The following HDGFL3 variants were observed in gnomAD, a reference collection of about 807,000 sequenced individuals.
The protein encoded by HDGFL3 is HDGF like 3, also known as hepatoma-derived growth factor-related protein 3.
A neutral mutation model predicts 27.6 loss-of-function variants in HDGFL3; 6 were observed. That is an observed-to-expected ratio of 0.22 (90% CI 0.12 to 0.43). The LOEUF (loss-of-function observed/expected upper bound fraction) is 0.43, where lower values mean the gene tolerates loss of function less well. Ranked by LOEUF, HDGFL3 falls within the 20% of genes least tolerant of loss-of-function variation. HDGFL3 has a pLI of 1.00. For missense variants in HDGFL3, 207 were observed against 250.1 expected, an observed-to-expected ratio of 0.83 and a Z score of 1.16; for synonymous variants, 88 against 88.9, an observed-to-expected ratio of 0.99 and a Z score of 0.05.
Position 83,207,537 on chromosome 15 carries a change from G to T in HDGFL3, c.-123C>A. On this transcript the variant is annotated 5_prime_UTR_variant, in exon 1 of 6. Transcript: ENST00000299633. The surrounding 1 kb of genome is among the most constrained non-coding windows in gnomAD (Gnocchi z 4.8). ...CCTCAAGCCGGGCGGACGAGCGGCCGCTCCGACGAGGGGAAGCGGCGAGGC... is the reference window on the plus strand; with the variant it reads ...CCTCAAGCCGGGCGGACGAGCGGCCTCTCCGACGAGGGGAAGCGGCGAGGC... 1 of 696,436 alleles carries T rather than the reference G, an allele frequency of 1.4e-6. No individual in the cohort carries two copies. The highest frequency in any genetic ancestry group is 2.0e-6 in the Non-Finnish European group (1 of 502,094). The allele number at this position is 696,436 out of a possible 1,614,324, so 43.1% of individuals were successfully genotyped here.
Position 83,145,937 on chromosome 15 carries a change from G to A in HDGFL3, c.606+5278C>T, listed in dbSNP as rs1490132083. Among the ~76,000 whole-genome samples, 11 of 98,912 alleles carry A rather than the reference G, an allele frequency of 1.1e-4. 1 individual carries two copies. In the Admixed American group the frequency reaches 1.9e-3, roughly 17 times the overall value. The allele number at this position is 98,912 out of a possible 152,430, so 64.9% of individuals were successfully genotyped here. A position where few individuals can be genotyped will look rare whatever the true frequency, so the allele number is the denominator to read the frequency against. ...TTTTTTTTTTTTTTTTTGAGATGGAGTCTCACTCTGTCGCCCAGGTTGGAA... is the reference window on the plus strand; with the variant it reads ...TTTTTTTTTTTTTTTTTGAGATGGAATCTCACTCTGTCGCCCAGGTTGGAA... On this transcript the variant is annotated intron_variant, in intron 5 of 5. Transcript: ENST00000299633.
chr15:83,174,005 G>A (rs1213844688), intron 1 of HDGFL3, among the ~76,000 whole-genome samples: 1 of 152,150 alleles, frequency 6.6e-6, no homozygotes, highest in Non-Finnish European at 1.5e-5. Context: ...ATGCTCTGGT[G>A]TACTAAGAAA....
chr15:83,198,054 C>CAA (rs766372255), intron 1 of HDGFL3, among the ~76,000 whole-genome samples: 19 of 57,582 alleles, frequency 3.3e-4, no homozygotes, highest in Non-Finnish European at 4.7e-4. Flanking sequence ...GACTCCGTCT[C>CAA]AAAAAAAAAA....
At chr15:83,193,182 T>C (rs879790529) in intron 1 of HDGFL3, among the ~76,000 whole-genome samples, 2 of 152,202 alleles carry the variant, frequency 1.3e-5, no homozygotes, top group Non-Finnish European at 2.9e-5. Context: ...TTGCAAATCA[T>C]AGATCTCCTA....
Position 83,151,149 on chromosome 15 carries a change from G to A in HDGFL3, c.606+66C>T, listed in dbSNP as rs2036958908. On this transcript the variant is annotated intron_variant, in intron 5 of 5. Transcript: ENST00000299633. The stretch of plus-strand genomic sequence containing the variant: ...ACAATGTTTACTAATGCTGACATAT[G>A]GATGCTGAATCTGAAGCAAAATGTC... 9.0e-6 allele frequency: 13 copies of A among 1,445,934 alleles called. No individual in the cohort carries two copies. The South Asian group carries it at 1.2e-4, about 14-fold the overall frequency. 89.6% of individuals were successfully genotyped at this position (1,445,934 alleles called of 1,614,324 possible).
At chr15:83,119,875 C>T in intron 3 of HDGFL3, 1 of 753,154 alleles carries the variant, frequency 1.3e-6, no homozygotes, top group Non-Finnish European at 2.0e-6. Context: ...CTGAATTGCT[C>T]CCTAGCATGG....
intron 2 of HDGFL3, among the ~76,000 whole-genome samples, chr15:83,160,494 G>GTTTT (rs991488993): frequency 2.0e-5 from 3 of 148,044 alleles, no homozygotes; most frequent in African/African-American, 7.4e-5. Context: ...CATCTCCAAG[G>GTTTT]TTTTGGACTG....
chr15:83,145,561 T>C (rs570733243), intron 5 of HDGFL3, among the ~76,000 whole-genome samples: 1 of 152,218 alleles, frequency 6.6e-6, no homozygotes, highest in East Asian at 1.9e-4. Context: ...ATTTATAAGC[T>C]ATTCATTCTC....
intron 3 of HDGFL3, among the ~76,000 whole-genome samples, chr15:83,118,495 A>G (rs1051664633): frequency 6.6e-5 from 10 of 152,230 alleles, no homozygotes; most frequent in Non-Finnish European, 1.0e-4. Flanking sequence ...AGCAAGTCCA[A>G]GAGAAGGGAC....
chr15:83,165,624 CT>C (rs1330231222), intron 1 of HDGFL3, among the ~76,000 whole-genome samples: 4 of 151,826 alleles, frequency 2.6e-5, no homozygotes, highest in Non-Finnish European at 5.9e-5. Context: ...AAAATCACTT[CT>C]TTTACTAAAA....
At chr15:83,204,240 A>G (rs2037688183) in intron 1 of HDGFL3, among the ~76,000 whole-genome samples, 4 of 151,858 alleles carry the variant, frequency 2.6e-5, no homozygotes, top group Admixed American at 2.0e-4. Context: ...TATCATATAG[A>G]GAGCTATATT....
rs2036120262 is a variant in HDGFL3 at position 83,130,159 on chromosome 15, G to A, written c.*9111C>T. The A allele has an allele frequency of 6.6e-6, 1 of 152,294 alleles. No individual in the cohort carries two copies. Among genetic ancestry groups the A allele is most frequent in the Non-Finnish European group, 1.5e-5 (1 of 68,102 alleles). 9.4% of individuals were successfully genotyped at this position (152,294 alleles called of 1,614,324 possible). ...GATGTTGGACCTGGTCAAGTCTCAG[G>A]AGACAAATGGAAACAGCAGGAAAAC... On this transcript the variant is annotated 3_prime_UTR_variant, in exon 6 of 6. Transcript: ENST00000299633.
chr15:83,126,103 G>T (rs1400866039), downstream of HDGFL3, among the ~76,000 whole-genome samples: 2 of 152,292 alleles, frequency 1.3e-5, no homozygotes, highest in East Asian at 3.9e-4. Context: ...CATGCAAGGT[G>T]GGTAGGGCTT....
At chr15:83,205,877 C>G (rs1375560102) in intron 1 of HDGFL3, among the ~76,000 whole-genome samples, 1 of 152,166 alleles carries the variant, frequency 6.6e-6, no homozygotes, top group African/African-American at 2.4e-5. Flanking sequence ...AAAACTTTGC[C>G]TTATCTTAAG....
At chr15:83,120,766 A>G (rs2035156492) in intron 3 of HDGFL3, among the ~76,000 whole-genome samples, 1 of 151,636 alleles carries the variant, frequency 6.6e-6, no homozygotes, top group Non-Finnish European at 1.5e-5. Flanking sequence ...TTTTTTCACC[A>G]TGTTGGCCAG....
At chr15:83,167,291 C>T (rs919044109) in intron 1 of HDGFL3, among the ~76,000 whole-genome samples, 5 of 152,192 alleles carry the variant, frequency 3.3e-5, no homozygotes, top group African/African-American at 1.2e-4. Flanking sequence ...CGTGGTGGCT[C>T]ACCCCTGTAA....
At chr15:83,187,399 C>T (rs1178595960) in intron 1 of HDGFL3, among the ~76,000 whole-genome samples, 2 of 149,844 alleles carry the variant, frequency 1.3e-5, no homozygotes, top group Non-Finnish European at 2.9e-5. Flanking sequence ...CACACACCAC[C>T]ACAAATACAC....
At chr15:83,172,448 C>T (rs1019011457) in intron 1 of HDGFL3, among the ~76,000 whole-genome samples, 17 of 152,198 alleles carry the variant, frequency 1.1e-4, no homozygotes, top group Middle Eastern at 3.4e-3. Context: ...TACTAATAGC[C>T]TATGAAGCCT....
intron 4 of HDGFL3, among the ~76,000 whole-genome samples, chr15:83,153,983 T>G (rs2036995224): frequency 6.6e-6 from 1 of 151,954 alleles, no homozygotes; most frequent in Non-Finnish European, 1.5e-5. Context: ...GCCACTAATT[T>G]TCCATGCAAA....
Sources: allele counts gnomAD v4.1 joint callset (sites outside exome capture counted in the v4.1 genomes callset), GRCh38; gene constraint gnomAD v4.1.1; non-coding constraint Gnocchi (gnomAD v3.1); transcripts MANE v1.5; gene names NCBI Gene and HGNC (gene_info 2026-07-23, HGNC 2026-07-21).